TSG101: variants seen among roughly 807,000 people sequenced by gnomAD.
TSG101 encodes tumor susceptibility gene 101 protein.
TSG101 carries 19 observed loss-of-function variants against 48.5 expected under a neutral mutation model. The observed-to-expected ratio is 0.39, with a 90% CI of 0.27 to 0.58. The LOEUF is 0.58. TSG101 is among the 20% of genes least tolerant of loss of function. The pLI is 0.55. For missense variants in TSG101, 365 were observed against 484.4 expected (o/e 0.75, Z 2.31); for synonymous variants, 174 against 169.4 (o/e 1.03, Z -0.21).
chr11:18,496,043 A>T (rs1849771782), intron 7 of TSG101, among the ~76,000 whole-genome samples: 1 of 152,226 alleles, frequency 6.6e-6, no homozygotes, highest in Non-Finnish European at 1.5e-5. Flanking sequence ...TTCCTCACAC[A>T]TAAATTCACA....
At chr11:18,512,123 G>A (rs1322715738) in intron 4 of TSG101, among the ~76,000 whole-genome samples, 2 of 152,070 alleles carry the variant, frequency 1.3e-5, no homozygotes, top group African/African-American at 2.4e-5. Flanking sequence ...TTCAAACTGA[G>A]GCGAGGCACA....
intron 1 of TSG101, among the ~76,000 whole-genome samples, chr11:18,520,103 C>A (rs908748391): frequency 1.6e-4 from 24 of 152,210 alleles, no homozygotes; most frequent in African/African-American, 5.5e-4. Context: ...TCCTAGACAA[C>A]CACGAATTTA....
intron 1 of TSG101, among the ~76,000 whole-genome samples, chr11:18,523,346 C>A (rs1409496484): frequency 6.6e-6 from 1 of 152,174 alleles, no homozygotes; most frequent in Non-Finnish European, 1.5e-5. Flanking sequence ...GCACTTATCA[C>A]TTTCCAACGT....
chr11:18,526,664 G>C (rs1202244803), intron 1 of TSG101, 111 bp downstream of exon 1: 1 of 1,342,408 alleles, frequency 7.4e-7, no homozygotes, highest in Non-Finnish European at 1.0e-6. Flanking sequence ...GGACTGCACC[G>C]GGGCTTCCGG....
rs201989230 is a variant in TSG101 at position 18,514,806 on chromosome 11, G to A, written c.229C>T (p.Leu77=). ...GGGGGATTATATGGGTATGTGTCCA[G>A]TAGCCATAGGCATATTGGAATATTG... ...TYNIPICLWL[L]DTYPYNPPIC... Residue 77 remains leucine, a synonymous_variant, in exon 4 of 10, where the codon CTG becomes TTG. Coordinates refer to ENST00000251968, the MANE Select transcript of TSG101 (RefSeq NM_006292.4). The A allele has an allele frequency of 1.9e-6, 3 of 1,581,728 alleles. No homozygotes were observed. The highest frequency in any genetic ancestry group is 1.4e-5 in the African/African-American group (1 of 72,694).
chr11:18,507,086 T>C (rs1481698185), intron 5 of TSG101, among the ~76,000 whole-genome samples, 163 bp from the exon 6 acceptor site: 2 of 152,190 alleles, frequency 1.3e-5, no homozygotes, highest in Non-Finnish European at 2.9e-5. Flanking sequence ...CCTTTCATAA[T>C]CCTGAAATCA....
At chr11:18,500,619 T>A (rs1849872636) in intron 7 of TSG101, among the ~76,000 whole-genome samples, 1 of 152,320 alleles carries the variant, frequency 6.6e-6, no homozygotes. Flanking sequence ...GTTGGCCATT[T>A]GTATGTCTTC....
At position 18,513,832 on chromosome 11, in the gene TSG101, T is replaced by C. The variant is rs571309053; in HGVS notation, c.357+846A>G. ...GCTTATGCCTGTAATCCCAGCACTTTAGAAGGCCGAGATGGGTGGATCACT... is the reference window on the plus strand; with the variant it reads ...GCTTATGCCTGTAATCCCAGCACTTCAGAAGGCCGAGATGGGTGGATCACT... On this transcript the variant is annotated intron_variant, in intron 4 of 9. Transcript: ENST00000251968. Among the ~76,000 whole-genome samples the C allele has an allele frequency of 1.2e-4, 19 of 152,214 alleles. No individual in the cohort carries two copies. The South Asian group carries it at 3.9e-3, about 32-fold the overall frequency.
intron 1 of TSG101, among the ~76,000 whole-genome samples, chr11:18,523,690 T>C (rs911625338): frequency 2.6e-5 from 4 of 152,084 alleles, no homozygotes; most frequent in African/African-American, 9.7e-5. Flanking sequence ...TTAGTAGAGA[T>C]GGGGTTTCAC....
Position 18,480,375 on chromosome 11 carries a change from G to A in TSG101, c.*171C>T. On this transcript the variant is annotated 3_prime_UTR_variant, in exon 10 of 10. Transcript: ENST00000251968. ...ACAAAAAGTTTACAGAGGATAGAAA[G>A]TGCATTAATAAAAGCCAGTCTTTAC... 2.0e-6 allele frequency: 1 copy of A among 497,096 alleles called. No individual in the cohort carries two copies. The highest frequency in any genetic ancestry group is 3.2e-5 in the East Asian group (1 of 31,252). 30.8% of individuals were successfully genotyped at this position (497,096 alleles called of 1,614,324 possible). A position where few individuals can be genotyped will look rare whatever the true frequency, so the allele number is the denominator to read the frequency against.
At chr11:18,511,851 T>C (rs1850088824) in intron 4 of TSG101, among the ~76,000 whole-genome samples, 2 of 152,180 alleles carry the variant, frequency 1.3e-5, no homozygotes, top group Non-Finnish European at 1.5e-5. Flanking sequence ...TCTCTATAGA[T>C]TTGCTTTCCT....
At chr11:18,499,078 C>T (rs1357709794) in intron 7 of TSG101, among the ~76,000 whole-genome samples, 5 of 150,182 alleles carry the variant, frequency 3.3e-5, no homozygotes, top group South Asian at 2.1e-4. Context: ...AAGAGAAAAA[C>T]GGAGAAGAGG....
chr11:18,521,124 A>G (rs1379500005), intron 1 of TSG101, among the ~76,000 whole-genome samples: 1 of 152,068 alleles, frequency 6.6e-6, no homozygotes, highest in Non-Finnish European at 1.5e-5. Flanking sequence ...CATGGAGCAC[A>G]ATATATCTGA....
At chr11:18,521,669 C>CTTTTTTTTTTTTTTTTTTTT (rs1565096217) in intron 1 of TSG101, among the ~76,000 whole-genome samples, 1 of 111,440 alleles carries the variant, frequency 9.0e-6, no homozygotes, top group African/African-American at 3.3e-5. Context: ...CTGGCCCCTT[C>CTTTTTTTTTTTTTTTTTTTT]CTTTTTTTTT....
Position 18,499,381 on chromosome 11 carries a change from AATATATATAT to A in TSG101, c.640+3095_640+3104del, listed in dbSNP as rs1229188041. On this transcript the variant is annotated intron_variant, in intron 7 of 9. Coordinates refer to ENST00000251968, the MANE Select transcript of TSG101 (RefSeq NM_006292.4). ...TTATATATAAATATGTTTATATTTA[AATATATATAT>A]ATATATATATATTTTTTTTTTTTTT... is the stretch of plus-strand genomic sequence containing the variant. Among the ~76,000 whole-genome samples, 35 of 12,292 alleles carry A rather than the reference AATATATATAT, an allele frequency of 2.8e-3. 1 individual carries two copies. Among genetic ancestry groups the A allele is most frequent in the East Asian group, 9.6e-3 (3 of 314 alleles). The allele number at this position is 12,292 out of a possible 152,430, so 8.1% of individuals were successfully genotyped here. A position where few individuals can be genotyped will look rare whatever the true frequency, so the allele number is the denominator to read the frequency against.
At chr11:18,495,495 TGTG>T (rs990732023) in intron 7 of TSG101, among the ~76,000 whole-genome samples, 1 of 152,172 alleles carries the variant, frequency 6.6e-6, no homozygotes, top group Non-Finnish European at 1.5e-5. Flanking sequence ...GGGTGGTGGT[TGTG>T]GTAGAGAAAC....
intron 6 of TSG101, among the ~76,000 whole-genome samples, chr11:18,504,838 G>A (rs963317695): frequency 1.3e-4 from 20 of 152,102 alleles, no homozygotes; most frequent in African/African-American, 4.6e-4. Flanking sequence ...GTAATTTCAA[G>A]GCTTCAGGTA....
rs376351223 is a variant in TSG101 at position 18,484,066 on chromosome 11, C to T, written c.647G>A (p.Ser216Asn). 29 of 1,614,008 alleles carry T rather than the reference C, an allele frequency of 1.8e-5. No individual in the cohort carries two copies. Among genetic ancestry groups the T allele is most frequent in the Admixed American group, 3.3e-5 (2 of 60,002 alleles). ...SQPPVTTVGPSRDGTISEDTI... is the reference protein window; with the variant it reads ...SQPPVTTVGPNRDGTISEDTI... ...GTCCTCGCTGATTGTGCCATCCCTA[C>T]TGGGACCTGCAGGAAACAGAGGCAA... The change falls in exon 8 of 10, where the codon AGT (serine) becomes AAT (asparagine). Residue 216 changes from serine (S) to asparagine (N), a missense_variant. Ser to Asn is a conservative substitution (Grantham distance 46). Coordinates refer to ENST00000251968, the MANE Select transcript of TSG101 (RefSeq NM_006292.4).
At chr11:18,499,265 TTA>T (rs1169813596) in intron 7 of TSG101, among the ~76,000 whole-genome samples, 6 of 120,136 alleles carry the variant, frequency 5.0e-5, no homozygotes, top group Non-Finnish European at 1.1e-4. Flanking sequence ...TATATATATT[TTA>T]TATATATTTA....
Sources: gnomAD v4.1 joint callset for allele counts (sites outside exome capture counted in the v4.1 genomes callset) on GRCh38, gnomAD v4.1.1 for gene constraint, MANE v1.5 for transcripts, NCBI Gene and HGNC (gene_info 2026-07-23, HGNC 2026-07-21) for gene names.